PCDHA6: variants seen among roughly 807,000 people sequenced by gnomAD.
The protein encoded by PCDHA6 is protocadherin alpha-6.
In PCDHA6, 55 loss-of-function variants were observed where a neutral mutation model predicts 60.3. The ratio of observed to expected loss-of-function variants is 0.91; its 90% CI spans 0.73 to 1.14. PCDHA6 has a LOEUF of 1.14. Among genes scored for constraint, PCDHA6 ranks in the 50% most tolerant of loss-of-function variants. PCDHA6 has a pLI of 0.00. For synonymous variants in PCDHA6, 652 were observed against 557.9 expected, an observed-to-expected ratio of 1.17 and a Z score of -2.38; for missense variants, 1,327 against 1,256.5, an observed-to-expected ratio of 1.06 and a Z score of -0.85.
chr5:140,850,931 T>C, intron 1 of PCDHA6: 1 of 1,516,410 alleles, frequency 6.6e-7, no homozygotes, highest in Non-Finnish European at 8.9e-7. Flanking sequence ...TAATTTTTTT[T>C]CTTGAAAGAT....
chr5:140,946,277 A>G (rs1055326524), intron 1 of PCDHA6, among the ~76,000 whole-genome samples: 5 of 152,186 alleles, frequency 3.3e-5, no homozygotes, highest in Admixed American at 1.3e-4. Context: ...TAAAACCCCA[A>G]TGAGATATCA....
intron 1 of PCDHA6, among the ~76,000 whole-genome samples, chr5:140,885,916 T>C (rs2060771663): frequency 1.3e-5 from 2 of 152,202 alleles, no homozygotes; most frequent in Admixed American, 1.3e-4. Flanking sequence ...CTTATAGATA[T>C]TAACTGTTTA....
chr5:140,973,481 G>A (rs537904841), intron 1 of PCDHA6, among the ~76,000 whole-genome samples: 2 of 152,208 alleles, frequency 1.3e-5, no homozygotes, highest in East Asian at 3.9e-4. Context: ...ATTTCATATT[G>A]GTCACAGGAC....
At chr5:140,888,623 C>T (rs1456857060) in intron 1 of PCDHA6, among the ~76,000 whole-genome samples, 1 of 152,160 alleles carries the variant, frequency 6.6e-6, no homozygotes. Context: ...ACTAATTCGG[C>T]CTTCTATTAC....
In PCDHA6 at chr5:140,919,817, T is replaced by C. The variant is rs889103078; in HGVS notation, c.2395-59132T>C. Among the ~76,000 whole-genome samples the C allele has an allele frequency of 4.6e-5, 7 of 152,350 alleles. No homozygotes were observed. In the South Asian group the frequency reaches 1.0e-3, roughly 23 times the overall value. On this transcript the variant is annotated intron_variant, in intron 1 of 3. Coordinates refer to ENST00000529310, the MANE Select transcript of PCDHA6 (RefSeq NM_018909.4). ...TGGATTGAATTGTGGGCCTCAAAAA[T>C]ATATGTCCACATAGTAACCTTTGGA...
At chr5:140,870,702 G>A in intron 1 of PCDHA6, 2 of 1,613,072 alleles carry the variant, frequency 1.2e-6, no homozygotes, top group African/African-American at 1.3e-5. Context: ...TACAGTTCCA[G>A]GTGAGCGCGC....
At chr5:140,904,725 C>A (rs1554191671) in intron 1 of PCDHA6, among the ~76,000 whole-genome samples, 1 of 152,050 alleles carries the variant, frequency 6.6e-6, no homozygotes, top group Non-Finnish European at 1.5e-5. Context: ...TGGCCAACAT[C>A]TATTATTTTT....
At position 140,876,825 on chromosome 5, in the gene PCDHA6, T is replaced by C. The variant is rs200732511; in HGVS notation, c.2394+46340T>C. ...TGGAGGTGGCCGACGTGAACGACAA[T>C]GCGCCTGCGTTCGCGCAGCCCGAGT... On this transcript the variant is annotated intron_variant, in intron 1 of 3. Transcript: ENST00000529310. The C allele has an allele frequency of 2.4e-4, 380 of 1,614,056 alleles. 4 individuals carry two copies. The East Asian group carries it at 3.4e-3, about 15-fold the overall frequency.
At chr5:140,969,919 T>C (rs773906362) in intron 1 of PCDHA6, among the ~76,000 whole-genome samples, 1 of 152,198 alleles carries the variant, frequency 6.6e-6, no homozygotes, top group South Asian at 2.1e-4. Flanking sequence ...GATAAAGCTG[T>C]AGTATTTAGA....
chr5:140,892,901 C>G (rs994625869), intron 1 of PCDHA6, among the ~76,000 whole-genome samples: 1 of 152,196 alleles, frequency 6.6e-6, no homozygotes, highest in African/African-American at 2.4e-5. Flanking sequence ...CTTTCCCCAT[C>G]CTCCTTTTCC....
At position 140,858,141 on chromosome 5, in the gene PCDHA6, T is replaced by C. The variant is rs1247420166; in HGVS notation, c.2394+27656T>C. 4 of 1,597,496 alleles carry C rather than the reference T, an allele frequency of 2.5e-6. No individual in the cohort carries two copies. The African/African-American group carries it at 5.4e-5, about 21-fold the overall frequency. ...GCCCTGGTGGATGTCAACGTGTACC[T>C]GATCATCGCCATCTGCGCGGTGTCC... On this transcript the variant is annotated intron_variant, in intron 1 of 3. Transcript: ENST00000529310.
intron 1 of PCDHA6, chr5:140,841,491 C>G: frequency 6.2e-7 from 1 of 1,613,066 alleles, no homozygotes; most frequent in Non-Finnish European, 8.5e-7. Flanking sequence ...CTGGAGCTGG[C>G]GGAGCTGGTG....
intron 1 of PCDHA6, chr5:140,870,730 C>T: frequency 1.4e-5 from 23 of 1,613,398 alleles, no homozygotes; most frequent in Non-Finnish European, 1.9e-5. Context: ...GGGCGTGCCG[C>T]CTCTGAGCAG....
Position 140,843,438 on chromosome 5 carries a change from C to A in PCDHA6, c.2394+12953C>A, listed in dbSNP as rs2150359947. 1.3e-4 allele frequency: 208 copies of A among 1,596,096 alleles called. 21 individuals are homozygous for A. The South Asian group carries it at 1.5e-3, about 11-fold the overall frequency. Reference sequence around the variant, plus strand: ...GTGTACCTGATCATCGCCATCTGCGCGGTATCCAGCCTGCTGGTGCTCACG... The same window carrying A: ...GTGTACCTGATCATCGCCATCTGCGAGGTATCCAGCCTGCTGGTGCTCACG... On this transcript the variant is annotated intron_variant, in intron 1 of 3. Transcript: ENST00000529310.
chr5:140,986,834 C>T (rs2097214742), intron 3 of PCDHA6, among the ~76,000 whole-genome samples: 1 of 152,104 alleles, frequency 6.6e-6, no homozygotes. Context: ...CAATGGTTCT[C>T]AAAGGGGCAG....
intron 1 of PCDHA6, among the ~76,000 whole-genome samples, chr5:140,951,377 G>T (rs2094577141): frequency 6.6e-6 from 1 of 152,070 alleles, no homozygotes; most frequent in Non-Finnish European, 1.5e-5. Context: ...AAACACCCAA[G>T]ACTCGGTAAT....
At chr5:140,865,269 T>C (rs2048801874) in intron 1 of PCDHA6, 1 of 152,262 alleles carries the variant, frequency 6.6e-6, no homozygotes. Flanking sequence ...TATCAAATTA[T>C]ATGTAAAATT....
rs530240100 is a variant in PCDHA6 at position 140,875,788 on chromosome 5, C to T, written c.2394+45303C>T. 5 of 1,614,194 alleles carry T rather than the reference C, an allele frequency of 3.1e-6. No individual in the cohort carries two copies. In the Admixed American group the frequency reaches 5.0e-5, roughly 16 times the overall value. The stretch of plus-strand genomic sequence containing the variant: ...GCGGAGCGCGGAGTGCAGTATCCAC[C>T]TGGAGGTGATCGTGGACAGGCCGCT... On this transcript the variant is annotated intron_variant, in intron 1 of 3. Coordinates refer to ENST00000529310, the MANE Select transcript of PCDHA6 (RefSeq NM_018909.4).
chr5:140,850,664 C>T, intron 1 of PCDHA6: 1 of 1,598,396 alleles, frequency 6.3e-7, no homozygotes, highest in Non-Finnish European at 8.6e-7. Context: ...TGCTGCGGTG[C>T]TCGGCGATGC....
Sources: allele counts gnomAD v4.1 joint callset (sites outside exome capture counted in the v4.1 genomes callset), GRCh38; gene constraint gnomAD v4.1.1; transcripts MANE v1.5; gene names NCBI Gene and HGNC (gene_info 2026-07-23, HGNC 2026-07-21).